Variants in FHIT observed in about 807,000 individuals in gnomAD.
FHIT encodes the protein bis(5'-adenosyl)-triphosphatase.
Under a neutral mutation model 17.9 loss-of-function variants are expected in FHIT, and 19 were observed. That is an observed-to-expected ratio of 1.06 (90% CI 0.74 to 1.56). FHIT has a LOEUF of 1.56. Ranked by LOEUF, FHIT falls within the 40% of genes most tolerant of loss-of-function variation. The probability of loss-of-function intolerance (pLI) is 0.00; values close to 1 mark genes in which losing one functional copy is unlikely to be tolerated. For missense variants in FHIT, 248 were observed against 189.2 expected, an observed-to-expected ratio of 1.31 and a Z score of -1.82; for synonymous variants, 81 against 69.7, an observed-to-expected ratio of 1.16 and a Z score of -0.81.
At chr3:60,684,905 G>C (rs185242997) in intron 4 of FHIT, among the ~76,000 whole-genome samples, 2 of 152,246 alleles carry the variant, frequency 1.3e-5, no homozygotes, top group Admixed American at 1.3e-4. Context: ...TGAGCTTAAA[G>C]ACACTTGGAA....
Position 60,659,989 on chromosome 3 carries a change from G to A in FHIT, c.-17-123010C>T, listed in dbSNP as rs77706726. On this transcript the variant is annotated intron_variant, in intron 4 of 9. Coordinates refer to ENST00000492590, the MANE Select transcript of FHIT (RefSeq NM_002012.4). Reference sequence around the variant, plus strand: ...TCTGTGCTGAGGATAAGCCTGAGATGTAAAGTTAAGTCCTTCTCACATCTT... The same window carrying A: ...TCTGTGCTGAGGATAAGCCTGAGATATAAAGTTAAGTCCTTCTCACATCTT... 7.7e-3 allele frequency among the ~76,000 whole-genome samples: 1,169 copies of A among 152,254 alleles called. 25 individuals are homozygous for A. The highest frequency in any genetic ancestry group is 0.059 in the East Asian group (304 of 5,174).
At chr3:59,928,824 G>A (rs1005855905) in intron 7 of FHIT, among the ~76,000 whole-genome samples, 19 of 151,772 alleles carry the variant, frequency 1.3e-4, no homozygotes, top group African/African-American at 3.9e-4. Context: ...GTGAAACCCC[G>A]TCTCTACTAA....
intron 4 of FHIT, among the ~76,000 whole-genome samples, chr3:60,577,807 C>T (rs2037619606): frequency 6.6e-6 from 1 of 152,170 alleles, no homozygotes; most frequent in South Asian, 2.1e-4. Flanking sequence ...ACATTTGAAT[C>T]ATTAGATGCC....
chr3:61,170,628 G>C (rs2037975324), intron 2 of FHIT, among the ~76,000 whole-genome samples: 1 of 152,066 alleles, frequency 6.6e-6, no homozygotes, highest in Non-Finnish European at 1.5e-5. Context: ...TGCAGCATTT[G>C]GTTTTCTGTT....
intron 8 of FHIT, among the ~76,000 whole-genome samples, chr3:59,791,594 A>G (rs1344258556): frequency 6.6e-6 from 1 of 152,188 alleles, no homozygotes; most frequent in Non-Finnish European, 1.5e-5. Context: ...TATAACTTGC[A>G]AAGGGTCTCT....
chr3:60,966,639 G>C (rs1217620178), intron 3 of FHIT, among the ~76,000 whole-genome samples: 1 of 152,202 alleles, frequency 6.6e-6, no homozygotes, highest in East Asian at 1.9e-4. Flanking sequence ...ACAGTGGCAA[G>C]ATTCAATTAT....
intron 4 of FHIT, among the ~76,000 whole-genome samples, chr3:60,780,046 G>A (rs147044892): frequency 6.6e-6 from 1 of 152,272 alleles, no homozygotes; most frequent in African/African-American, 2.4e-5. Context: ...GGGGATGCAA[G>A]GATAGAAGAT....
chr3:59,989,605 A>T (rs570973782), intron 7 of FHIT, among the ~76,000 whole-genome samples: 3 of 152,020 alleles, frequency 2.0e-5, no homozygotes, highest in Non-Finnish European at 2.9e-5. Context: ...AAACAATCAC[A>T]TTCTACAATC....
intron 5 of FHIT, among the ~76,000 whole-genome samples, chr3:60,448,105 T>G (rs1436485278): frequency 6.6e-6 from 1 of 152,154 alleles, no homozygotes. Flanking sequence ...CTGTCCATGG[T>G]GGATACTGAC....
chr3:60,845,952 G>A (rs1196983977), intron 3 of FHIT, among the ~76,000 whole-genome samples: 8 of 152,126 alleles, frequency 5.3e-5, no homozygotes, highest in African/African-American at 1.7e-4. Flanking sequence ...CTAAACAAAG[G>A]TATCAGAGAA....
At chr3:60,442,014 A>G (rs916577356) in intron 5 of FHIT, among the ~76,000 whole-genome samples, 1 of 150,418 alleles carries the variant, frequency 6.6e-6, no homozygotes, top group African/African-American at 2.4e-5. Context: ...GCATGCTACC[A>G]TGCCTGACTA....
intron 3 of FHIT, among the ~76,000 whole-genome samples, chr3:60,914,204 G>A (rs1706885463): frequency 6.6e-6 from 1 of 152,128 alleles, no homozygotes. Context: ...AGGTCCCATT[G>A]GGAGCATAAG....
chr3:61,229,669 G>A (rs910757817), intron 1 of FHIT, among the ~76,000 whole-genome samples: 3 of 152,136 alleles, frequency 2.0e-5, no homozygotes, highest in African/African-American at 4.8e-5. Flanking sequence ...TATGTCAAAC[G>A]TGCAGCACAG....
At chr3:60,669,289 A>T (rs2040457602) in intron 4 of FHIT, among the ~76,000 whole-genome samples, 1 of 152,222 alleles carries the variant, frequency 6.6e-6, no homozygotes, top group African/African-American at 2.4e-5. Context: ...ACATAGGAGT[A>T]ACAGGGAGAA....
At chr3:60,343,722 C>G (rs907787522) in intron 5 of FHIT, among the ~76,000 whole-genome samples, 1 of 152,088 alleles carries the variant, frequency 6.6e-6, no homozygotes, top group Admixed American at 6.6e-5. Flanking sequence ...TTTCCTCCAC[C>G]CACATTCTGA....
chr3:60,249,689 GACACAC>G (rs59885844), intron 5 of FHIT, among the ~76,000 whole-genome samples: 95 of 137,394 alleles, frequency 6.9e-4, no homozygotes, highest in East Asian at 4.0e-3. Context: ...ATACAGCCAA[GACACAC>G]ACACACACAC....
At chr3:60,856,213 G>C (rs1396123480) in intron 3 of FHIT, among the ~76,000 whole-genome samples, 2 of 152,034 alleles carry the variant, frequency 1.3e-5, no homozygotes, top group South Asian at 2.1e-4. Flanking sequence ...GAGGTGGGGT[G>C]AGCCCTGACA....
At chr3:60,864,603 G>C (rs1553753450) in intron 3 of FHIT, among the ~76,000 whole-genome samples, 1 of 152,068 alleles carries the variant, frequency 6.6e-6, no homozygotes, top group African/African-American at 2.4e-5. Flanking sequence ...TATTGGCAAG[G>C]AGGGGTGGCA....
At chr3:60,162,436 G>C (rs568644399) in intron 5 of FHIT, among the ~76,000 whole-genome samples, 8 of 152,218 alleles carry the variant, frequency 5.3e-5, no homozygotes, top group Non-Finnish European at 1.0e-4. Flanking sequence ...TTACTTTATT[G>C]ACTCATTTAT....
Sources: allele counts gnomAD v4.1 joint callset (sites outside exome capture counted in the v4.1 genomes callset), GRCh38; gene constraint gnomAD v4.1.1; transcripts MANE v1.5; gene names NCBI Gene and HGNC (gene_info 2026-07-23, HGNC 2026-07-21).